ADAMTSL1: variants seen among roughly 807,000 people sequenced by gnomAD.
ADAMTSL1 encodes ADAMTS like 1.
ADAMTSL1 carries 126 observed loss-of-function variants against 201.8 expected under a neutral mutation model. That is an observed-to-expected ratio of 0.62 (90% CI 0.54 to 0.72). ADAMTSL1 has a LOEUF of 0.72. Ranked by LOEUF, ADAMTSL1 falls within the 30% of genes least tolerant of loss-of-function variation. ADAMTSL1 has a pLI of 0.00. For synonymous variants in ADAMTSL1, 1,121 were observed against 903.4 expected, an observed-to-expected ratio of 1.24 and a Z score of -4.32; for missense variants, 2,679 against 2,277.8, an observed-to-expected ratio of 1.18 and a Z score of -3.59.
chr9:17,984,935 T>C (rs1818861895), intron 1 of ADAMTSL1, among the ~76,000 whole-genome samples: 1 of 152,202 alleles, frequency 6.6e-6, no homozygotes, highest in African/African-American at 2.4e-5. Context: ...TTTTGCTTCG[T>C]AATATCATAT....
At chr9:17,941,590 C>A (rs891431297) in intron 1 of ADAMTSL1, among the ~76,000 whole-genome samples, 9 of 152,090 alleles carry the variant, frequency 5.9e-5, no homozygotes, top group Non-Finnish European at 1.3e-4. Flanking sequence ...GTCCTACTAT[C>A]AAATGTCTGT....
At chr9:18,031,736 T>C (rs993533498) in intron 1 of ADAMTSL1, among the ~76,000 whole-genome samples, 2 of 152,188 alleles carry the variant, frequency 1.3e-5, no homozygotes, top group Non-Finnish European at 2.9e-5. Flanking sequence ...GGGGACCTTG[T>C]TGGGCTGCAT....
intron 2 of ADAMTSL1, among the ~76,000 whole-genome samples, chr9:18,295,394 A>G (rs1833438309): frequency 6.6e-6 from 1 of 151,452 alleles, no homozygotes; most frequent in South Asian, 2.1e-4. Flanking sequence ...GCTGGAGTGC[A>G]GTGGCGCGAT....
chr9:18,084,644 C>G (rs967782595), intron 1 of ADAMTSL1, among the ~76,000 whole-genome samples: 1 of 152,074 alleles, frequency 6.6e-6, no homozygotes, highest in Non-Finnish European at 1.5e-5. Context: ...TTACACCGTA[C>G]AGCTCAAGCT....
intron 7 of ADAMTSL1, among the ~76,000 whole-genome samples, chr9:18,648,273 A>G (rs1009231202): frequency 2.1e-5 from 3 of 142,266 alleles, no homozygotes; most frequent in African/African-American, 7.6e-5. Flanking sequence ...TTTTGAGCCT[A>G]TGCGTGTCTC....
At chr9:18,017,947 A>G (rs564979641) in intron 1 of ADAMTSL1, among the ~76,000 whole-genome samples, 2 of 152,176 alleles carry the variant, frequency 1.3e-5, no homozygotes, top group African/African-American at 4.8e-5. Context: ...AAATACCATT[A>G]TCTTTGTTGT....
At chr9:18,099,355 A>ATATATATATATATATAT (rs1239180390) in intron 1 of ADAMTSL1, among the ~76,000 whole-genome samples, 44 of 45,520 alleles carry the variant, frequency 9.7e-4, no homozygotes, top group Non-Finnish European at 1.5e-3. Flanking sequence ...ATATATATAT[A>ATATATATATATATATAT]TTTTTTTTTT....
At chr9:18,397,175 T>A (rs1563933401) in intron 2 of ADAMTSL1, among the ~76,000 whole-genome samples, 1 of 152,166 alleles carries the variant, frequency 6.6e-6, no homozygotes, top group African/African-American at 2.4e-5. Context: ...TTTACCCTTA[T>A]CCACAGGTGG....
At chr9:18,229,857 G>A (rs112522320) in intron 2 of ADAMTSL1, among the ~76,000 whole-genome samples, 11,689 of 151,892 alleles carry the variant, frequency 0.077, 464 homozygotes, top group Middle Eastern at 0.095. Context: ...CAACATGCCC[G>A]GCTAATTTTT....
intron 2 of ADAMTSL1, among the ~76,000 whole-genome samples, chr9:18,191,319 T>TG (rs1462182445): frequency 6.6e-6 from 1 of 152,264 alleles, no homozygotes; most frequent in East Asian, 1.9e-4. Flanking sequence ...CCAGAGCTCC[T>TG]GTCTTGTCCA....
chr9:18,208,091 G>A (rs1177612744), intron 2 of ADAMTSL1, among the ~76,000 whole-genome samples: 3 of 152,010 alleles, frequency 2.0e-5, no homozygotes, highest in African/African-American at 7.2e-5. Flanking sequence ...AGACAGTGAT[G>A]TACATTTTGT....
chr9:17,989,957 G>C (rs1409120245), intron 1 of ADAMTSL1, among the ~76,000 whole-genome samples: 1 of 148,464 alleles, frequency 6.7e-6, no homozygotes, highest in Non-Finnish European at 1.5e-5. Flanking sequence ...TGCTTAGGTA[G>C]TAAAAATCTT....
At chr9:18,667,473 G>T (rs940974181) in intron 9 of ADAMTSL1, among the ~76,000 whole-genome samples, 1 of 152,036 alleles carries the variant, frequency 6.6e-6, no homozygotes, top group Non-Finnish European at 1.5e-5. Context: ...TGAGACCCTG[G>T]CTCTGCCACT....
intron 15 of ADAMTSL1, among the ~76,000 whole-genome samples, chr9:18,729,097 T>C (rs928667081): frequency 2.1e-4 from 32 of 152,324 alleles, no homozygotes; most frequent in African/African-American, 7.5e-4. Flanking sequence ...CCCAGGTATG[T>C]TCACATTGTG....
intron 2 of ADAMTSL1, among the ~76,000 whole-genome samples, chr9:18,206,849 C>A (rs575024714): frequency 6.6e-6 from 1 of 152,004 alleles, no homozygotes; most frequent in Non-Finnish European, 1.5e-5. Flanking sequence ...CTGTCTCCTA[C>A]GTGACCAGCA....
chr9:18,856,880 A>C (rs1826888787), intron 23 of ADAMTSL1, among the ~76,000 whole-genome samples: 1 of 152,196 alleles, frequency 6.6e-6, no homozygotes, highest in Admixed American at 6.5e-5. Flanking sequence ...TTTTCAGAGC[A>C]AAAGCTGGTT....
intron 2 of ADAMTSL1, among the ~76,000 whole-genome samples, chr9:18,288,753 C>A (rs140800834): frequency 6.6e-6 from 1 of 152,132 alleles, no homozygotes; most frequent in East Asian, 1.9e-4. Context: ...TGAGAAATAC[C>A]CTCAGGTCTC....
chr9:18,478,683 A>G (rs570264828), intron 1 of ADAMTSL1, among the ~76,000 whole-genome samples: 2 of 152,270 alleles, frequency 1.3e-5, no homozygotes, highest in African/African-American at 4.8e-5. Flanking sequence ...TGGTCTCATG[A>G]GTAGAGTGAC....
chr9:18,871,916 G>C (rs1827892279), intron 23 of ADAMTSL1, among the ~76,000 whole-genome samples: 1 of 152,104 alleles, frequency 6.6e-6, no homozygotes, highest in Admixed American at 6.5e-5. Context: ...GCGTCTTCAG[G>C]CATCTTCAGG....
Sources: gnomAD v4.1 joint callset for allele counts (sites outside exome capture counted in the v4.1 genomes callset) on GRCh38, gnomAD v4.1.1 for gene constraint, MANE v1.5 for transcripts, NCBI Gene and HGNC (gene_info 2026-07-23, HGNC 2026-07-21) for gene names.